Variants in STPG2 observed in about 807,000 individuals in gnomAD.
STPG2 encodes the protein sperm-tail PG-rich repeat-containing protein 2.
Under a neutral mutation model 54.2 loss-of-function variants are expected in STPG2, and 56 were observed. That is an observed-to-expected ratio of 1.03 (90% CI 0.83 to 1.29). STPG2 has a LOEUF of 1.29. Ranked by LOEUF, STPG2 falls within the 50% of genes most tolerant of loss-of-function variation. STPG2 has a pLI of 0.00. For synonymous variants in STPG2, 200 were observed against 181.8 expected (o/e 1.10, Z -0.81); for missense variants, 596 against 544.9 (o/e 1.09, Z -0.93).
chr4:97,987,582 AT>A (rs1252492728), intron 5 of STPG2, among the ~76,000 whole-genome samples: 2 of 152,176 alleles, frequency 1.3e-5, no homozygotes, highest in Admixed American at 6.5e-5. Flanking sequence ...ATCATCAAAT[AT>A]TTTAATTACA....
At chr4:97,762,199 A>G (rs1185156063) in intron 9 of STPG2, among the ~76,000 whole-genome samples, 1 of 152,198 alleles carries the variant, frequency 6.6e-6, no homozygotes, top group Non-Finnish European at 1.5e-5. Context: ...AAAGAAATAT[A>G]TATTTCCAAA....
At chr4:98,114,764 TTTGTG>T (rs1441139510) in intron 3 of STPG2, among the ~76,000 whole-genome samples, 21 of 128,508 alleles carry the variant, frequency 1.6e-4, no homozygotes, top group South Asian at 1.2e-3. Flanking sequence ...TTTTTTTTTT[TTTGTG>T]TGTGTGTGTG....
intron 10 of STPG2, among the ~76,000 whole-genome samples, chr4:97,622,978 A>G (rs561222565): frequency 5.1e-4 from 77 of 152,252 alleles, no homozygotes; most frequent in African/African-American, 1.8e-3. Flanking sequence ...ACCTACAACC[A>G]TCTAATCTTC....
chr4:97,447,355 T>G (rs574890221), intron 4 of STPG2, among the ~76,000 whole-genome samples: 1 of 152,288 alleles, frequency 6.6e-6, no homozygotes, highest in South Asian at 2.1e-4. Context: ...CTGCAGAAAT[T>G]TGCATAAGTA....
downstream of STPG2, among the ~76,000 whole-genome samples, chr4:97,554,538 C>T (rs1297174245): frequency 6.6e-6 from 1 of 152,116 alleles, no homozygotes; most frequent in East Asian, 1.9e-4. Flanking sequence ...CATTAGGTTA[C>T]TCTCTCATTT....
intron 9 of STPG2, among the ~76,000 whole-genome samples, chr4:97,728,128 G>A (rs919788100): frequency 6.6e-6 from 1 of 151,872 alleles, no homozygotes; most frequent in Non-Finnish European, 1.5e-5. Context: ...AAAGAATTCT[G>A]TTAATAGGGA....
intron 4 of STPG2, among the ~76,000 whole-genome samples, chr4:98,107,075 T>C (rs771829290): frequency 1.3e-5 from 2 of 152,182 alleles, no homozygotes; most frequent in Non-Finnish European, 2.9e-5. Flanking sequence ...CTGATTGTTA[T>C]TTGCTAAAAA....
chr4:97,942,646 A>G (rs1327163728), intron 8 of STPG2, among the ~76,000 whole-genome samples: 28 of 152,262 alleles, frequency 1.8e-4, no homozygotes, highest in Admixed American at 1.8e-3. Flanking sequence ...ATTATTTCCA[A>G]GACATTCAGA....
At position 97,993,810 on chromosome 4, in the gene STPG2, TA is replaced by T. The variant is rs1420867844; in HGVS notation, c.613-12493del. 4.6e-5 allele frequency among the ~76,000 whole-genome samples: 7 copies of T among 152,170 alleles called. No individual in the cohort carries two copies. In the East Asian group the frequency reaches 1.3e-3, roughly 29 times the overall value. ...GTTTCTCTTTCTTCCTGGTTTAATCTAAAAGGGTTGCCTATTTCCAGGAATT... is the reference window on the plus strand; with the variant it reads ...GTTTCTCTTTCTTCCTGGTTTAATCTAAAGGGTTGCCTATTTCCAGGAATT... On this transcript the variant is annotated intron_variant, in intron 5 of 10. Transcript: ENST00000295268.
chr4:97,516,545 A>C (rs1009803840), intron 4 of STPG2, among the ~76,000 whole-genome samples: 9 of 152,020 alleles, frequency 5.9e-5, no homozygotes, highest in African/African-American at 1.9e-4. Context: ...ATTATAGGCC[A>C]TGTGCTGTGG....
chr4:97,934,914 T>C (rs192888510), intron 8 of STPG2, among the ~76,000 whole-genome samples: 1 of 152,294 alleles, frequency 6.6e-6, no homozygotes, highest in East Asian at 1.9e-4. Flanking sequence ...TTGTTTGGAA[T>C]TGTTTTAGAA....
intron 4 of STPG2, among the ~76,000 whole-genome samples, chr4:97,456,654 G>C (rs2148803539): frequency 1.3e-5 from 2 of 152,218 alleles, no homozygotes; most frequent in South Asian, 4.1e-4. Flanking sequence ...CCAGCACTTT[G>C]GGAGGCTGAG....
intron 8 of STPG2, among the ~76,000 whole-genome samples, chr4:97,893,995 G>T (rs1419660103): frequency 1.3e-5 from 2 of 151,938 alleles, no homozygotes; most frequent in Non-Finnish European, 1.5e-5. Flanking sequence ...ATTAAAATAT[G>T]TTTTCTTCCG....
chr4:98,104,579 ATAC>A (rs1739136544), intron 5 of STPG2, among the ~76,000 whole-genome samples: 1 of 152,302 alleles, frequency 6.6e-6, no homozygotes, highest in Non-Finnish European at 1.5e-5. Context: ...AAAAATAACA[ATAC>A]TTTCACATTT....
At chr4:97,979,316 AT>A (rs1184459989) in intron 6 of STPG2, among the ~76,000 whole-genome samples, 2 of 152,110 alleles carry the variant, frequency 1.3e-5, no homozygotes, top group African/African-American at 2.4e-5. Flanking sequence ...ACAGAAAATC[AT>A]TCCCCCCAGA....
At chr4:97,846,315 T>G (rs925562785) in intron 8 of STPG2, among the ~76,000 whole-genome samples, 1 of 151,742 alleles carries the variant, frequency 6.6e-6, no homozygotes, top group African/African-American at 2.4e-5. Flanking sequence ...AAAAGGAACT[T>G]CAGACTCTCA....
intron 10 of STPG2, among the ~76,000 whole-genome samples, chr4:97,619,630 G>A (rs945812233): frequency 6.7e-6 from 1 of 148,588 alleles, no homozygotes; most frequent in African/African-American, 2.5e-5. Flanking sequence ...CACACAAAAT[G>A]CACCCCATGC....
At chr4:97,991,803 A>G (rs1200868584) in intron 5 of STPG2, among the ~76,000 whole-genome samples, 1 of 152,122 alleles carries the variant, frequency 6.6e-6, no homozygotes, top group South Asian at 2.1e-4. Context: ...CCATTCTTGC[A>G]GGAGAAAGGT....
intron 5 of STPG2, among the ~76,000 whole-genome samples, chr4:98,072,593 T>TAAAAG (rs1738038236): frequency 6.6e-6 from 1 of 150,782 alleles, no homozygotes; most frequent in Non-Finnish European, 1.5e-5. Context: ...TAAAATAAAA[T>TAAAAG]AAAATAAAAT....
Sources: gnomAD v4.1 joint callset for allele counts (sites outside exome capture counted in the v4.1 genomes callset) on GRCh38, gnomAD v4.1.1 for gene constraint, MANE v1.5 for transcripts, NCBI Gene and HGNC (gene_info 2026-07-23, HGNC 2026-07-21) for gene names.